The following AGBL3 variants were observed in gnomAD, a reference collection of about 807,000 sequenced individuals.
AGBL3 encodes AGBL carboxypeptidase 3.
A neutral mutation model predicts 94.5 loss-of-function variants in AGBL3; 68 were observed. The observed-to-expected ratio is 0.72, with a 90% CI of 0.59 to 0.88. The LOEUF is 0.88. AGBL3 is among the 40% of genes least tolerant of loss of function. The probability of loss-of-function intolerance (pLI) is 0.00; values close to 1 mark genes in which losing one functional copy is unlikely to be tolerated. For synonymous variants in AGBL3, 354 were observed against 370.7 expected, an observed-to-expected ratio of 0.95 and a Z score of 0.52; for missense variants, 934 against 1,103.8, an observed-to-expected ratio of 0.85 and a Z score of 2.18.
chr7:135,019,222 G>A (rs1814146712), intron 5 of AGBL3, among the ~76,000 whole-genome samples: 2 of 152,034 alleles, frequency 1.3e-5, no homozygotes. Flanking sequence ...GTCTTTTTAT[G>A]ATATGTGTTC....
At chr7:134,999,687 G>A (rs1323943773) in intron 4 of AGBL3, among the ~76,000 whole-genome samples, 1 of 152,220 alleles carries the variant, frequency 6.6e-6, no homozygotes, top group African/African-American at 2.4e-5. Context: ...TAATAGACTA[G>A]TTTTTCATCA....
chr7:135,059,070 A>T, intron 11 of AGBL3, 99 bp from the exon 12 acceptor site: 2 of 968,432 alleles, frequency 2.1e-6, no homozygotes, highest in Non-Finnish European at 3.1e-6. Context: ...TCTTATAATT[A>T]GAACTTTTCA....
intron 6 of AGBL3, among the ~76,000 whole-genome samples, chr7:135,033,264 A>G (rs1320369357): frequency 6.6e-6 from 1 of 152,202 alleles, no homozygotes; most frequent in East Asian, 1.9e-4. Context: ...TTTGTATTGA[A>G]ATAGTTCTTG....
rs1384766036 is a variant in AGBL3, at chr7:134,989,318, C to G, written c.124+8C>G. On this transcript the variant is annotated splice_region_variant and intron_variant, in intron 3 of 16. Transcript: ENST00000436302. ...GGTGTGCACTTTTAACAGGTTTGAACCTATTCATATAGTTTTTGTTTAGCA... is the reference window on the plus strand; with the variant it reads ...GGTGTGCACTTTTAACAGGTTTGAAGCTATTCATATAGTTTTTGTTTAGCA... The G allele has an allele frequency of 6.5e-7, 1 of 1,535,824 alleles. No homozygotes were observed. Among genetic ancestry groups the G allele is most frequent in the Admixed American group, 2.1e-5 (1 of 48,718 alleles).
intron 15 of AGBL3, among the ~76,000 whole-genome samples, chr7:135,085,324 CT>C (rs957823313): frequency 2.0e-5 from 3 of 152,038 alleles, no homozygotes; most frequent in African/African-American, 7.2e-5. Flanking sequence ...TGATTGGTTC[CT>C]TTGCTGTGCA....
At chr7:135,100,435 G>A (rs375319027) in intron 15 of AGBL3, among the ~76,000 whole-genome samples, 34 of 152,164 alleles carry the variant, frequency 2.2e-4, no homozygotes, top group African/African-American at 7.5e-4. Flanking sequence ...CCTTACTTAG[G>A]AATAATATAA....
intron 4 of AGBL3, among the ~76,000 whole-genome samples, chr7:135,015,233 C>T (rs111763472): frequency 6.1e-4 from 93 of 152,252 alleles, no homozygotes; most frequent in Non-Finnish European, 1.1e-3. Context: ...AAATCTTCTA[C>T]TTAAACAACG....
At chr7:134,988,053 C>A in intron 2 of AGBL3, 57 bp downstream of exon 2, 7 of 1,200,144 alleles carry the variant, frequency 5.8e-6, no homozygotes, top group South Asian at 3.0e-5. Flanking sequence ...ATATAAATCC[C>A]CAATTAAAAT....
chr7:135,078,777 A>G (rs1387719363), intron 13 of AGBL3, among the ~76,000 whole-genome samples: 1 of 152,184 alleles, frequency 6.6e-6, no homozygotes, highest in African/African-American at 2.4e-5. Flanking sequence ...AAGTGTGCCC[A>G]TAAGCTAATA....
chr7:135,093,184 C>T (rs1403021317), intron 15 of AGBL3: 1 of 150,458 alleles, frequency 6.6e-6, no homozygotes, highest in Admixed American at 6.6e-5. Flanking sequence ...AGGCTTCAGC[C>T]GGGCAATAAG....
At chr7:134,998,573 G>C (rs1055541780) in intron 4 of AGBL3, among the ~76,000 whole-genome samples, 1 of 152,170 alleles carries the variant, frequency 6.6e-6, no homozygotes, top group African/African-American at 2.4e-5. Flanking sequence ...AGTAATACCA[G>C]TCTAGCTCGT....
chr7:135,043,889 G>A, intron 8 of AGBL3, 136 bp from the exon 9 acceptor site: 1 of 1,115,502 alleles, frequency 9.0e-7, no homozygotes, highest in Non-Finnish European at 1.2e-6. Flanking sequence ...CACAGGTCAG[G>A]AAATAAAAAG....
intron 15 of AGBL3, among the ~76,000 whole-genome samples, chr7:135,102,978 C>G (rs1174546461): frequency 1.3e-5 from 2 of 152,124 alleles, no homozygotes; most frequent in African/African-American, 4.8e-5. Context: ...AATTAAAATG[C>G]ATGGGACATA....
chr7:135,134,958 G>A lies in AGBL3; in HGVS notation c.2460G>A (p.Gln820=), dbSNP rs967828793. ...TGGCAAACTCTTCAGAATGGGTCCA[G>A]TCTAAGCCCCACAGGTCATTGGAAA... ...DVMANSSEWV[Q]SKPHRSLESL... The change falls in exon 17 of 17, where the codon CAG becomes CAA. Residue 820 remains glutamine (Q), a synonymous_variant. Transcript: ENST00000436302. 2.6e-6 allele frequency: 4 copies of A among 1,551,182 alleles called. No individual in the cohort carries two copies. The highest frequency in any genetic ancestry group is 3.5e-6 in the Non-Finnish European group (4 of 1,146,672).
At chr7:135,017,006 T>C in intron 4 of AGBL3, 46 bp from the exon 5 acceptor site, 1 of 1,255,408 alleles carries the variant, frequency 8.0e-7, no homozygotes. Context: ...ATTTTTCTGT[T>C]TTATTTTGAA....
chr7:134,989,520 GGT>G (rs1809948476), intron 3 of AGBL3, among the ~76,000 whole-genome samples: 1 of 152,072 alleles, frequency 6.6e-6, no homozygotes, highest in Non-Finnish European at 1.5e-5. Flanking sequence ...AAATGAAAGT[GGT>G]GATTATCTTA....
intron 5 of AGBL3, among the ~76,000 whole-genome samples, chr7:135,025,745 A>G (rs1265570319): frequency 6.6e-6 from 1 of 151,676 alleles, no homozygotes; most frequent in Non-Finnish European, 1.5e-5. Context: ...GGTTGGAGAA[A>G]GATCTACCAG....
chr7:135,069,899 C>G (rs932925579), intron 12 of AGBL3, among the ~76,000 whole-genome samples: 4 of 152,046 alleles, frequency 2.6e-5, no homozygotes, highest in Non-Finnish European at 4.4e-5. Flanking sequence ...GAAATAGAGG[C>G]ACAAAAAAAC....
At chr7:134,990,644 A>G (rs1810122227) in intron 3 of AGBL3, among the ~76,000 whole-genome samples, 1 of 152,208 alleles carries the variant, frequency 6.6e-6, no homozygotes, top group Non-Finnish European at 1.5e-5. Context: ...TGCTAACTAT[A>G]TACTGTATGA....
Sources: allele counts gnomAD v4.1 joint callset (sites outside exome capture counted in the v4.1 genomes callset), GRCh38; gene constraint gnomAD v4.1.1; transcripts MANE v1.5; gene names NCBI Gene and HGNC (gene_info 2026-07-23, HGNC 2026-07-21).